The following SH3RF3 variants were observed in gnomAD, a reference collection of about 807,000 sequenced individuals.
The protein encoded by SH3RF3 is SH3 domain containing ring finger 3, also known as E3 ubiquitin-protein ligase SH3RF3.
A neutral mutation model predicts 66.3 loss-of-function variants in SH3RF3; 29 were observed. The observed-to-expected ratio is 0.44, with a 90% CI of 0.33 to 0.60. The LOEUF (loss-of-function observed/expected upper bound fraction) is 0.60, where lower values mean the gene tolerates loss of function less well. Among genes scored for constraint, SH3RF3 ranks in the 20% least tolerant of loss-of-function variants. The pLI, the probability that SH3RF3 is intolerant of heterozygous loss-of-function variation, is 0.04. For missense variants in SH3RF3, 1,194 were observed against 1,190.9 expected (o/e 1.00, Z -0.04); for synonymous variants, 583 against 532.0 (o/e 1.10, Z -1.32).
intron 8 of SH3RF3, among the ~76,000 whole-genome samples, chr2:109,450,362 A>G (rs1177190557): frequency 1.3e-4 from 6 of 45,432 alleles, no homozygotes; most frequent in Non-Finnish European, 3.7e-4. Context: ...AAAAAAAGAA[A>G]AAGAAAGAAA....
intron 1 of SH3RF3, among the ~76,000 whole-genome samples, chr2:109,221,085 G>A (rs548615600): frequency 1.3e-5 from 2 of 152,352 alleles, no homozygotes; most frequent in East Asian, 1.9e-4. Flanking sequence ...AAGAAATGAA[G>A]TTATGACACG....
At chr2:109,397,260 G>C (rs1676172368) in intron 3 of SH3RF3, among the ~76,000 whole-genome samples, 1 of 152,032 alleles carries the variant, frequency 6.6e-6, no homozygotes, top group South Asian at 2.1e-4. Context: ...CCTCCAGGGA[G>C]ATCTGCCCAG....
chr2:109,243,652 G>T (rs535879462), intron 1 of SH3RF3, among the ~76,000 whole-genome samples: 7 of 152,288 alleles, frequency 4.6e-5, no homozygotes, highest in African/African-American at 1.7e-4. Context: ...GAAGATATGA[G>T]TGGTGAGAAG....
intron 8 of SH3RF3, among the ~76,000 whole-genome samples, chr2:109,486,312 G>C (rs995505678): frequency 7.2e-5 from 11 of 152,122 alleles, no homozygotes; most frequent in Admixed American, 1.3e-4. Context: ...TTTACATTTT[G>C]TGGAACTCCC....
intron 1 of SH3RF3, among the ~76,000 whole-genome samples, chr2:109,148,919 T>C (rs1412382532): frequency 1.3e-5 from 2 of 152,136 alleles, no homozygotes; most frequent in Non-Finnish European, 2.9e-5. Flanking sequence ...CCAAAAAAAA[T>C]CAAGTTCTAG....
intron 1 of SH3RF3, among the ~76,000 whole-genome samples, chr2:109,176,813 T>C (rs1677927384): frequency 6.6e-6 from 1 of 152,126 alleles, no homozygotes; most frequent in African/African-American, 2.4e-5. Flanking sequence ...AGCCGTGAAC[T>C]TTATCTTATG....
At position 109,314,180 on chromosome 2, in the gene SH3RF3, G is replaced by A. The variant is rs925233378; in HGVS notation, c.574-33494G>A. Among the ~76,000 whole-genome samples the A allele has an allele frequency of 2.6e-4, 39 of 152,190 alleles. 1 individual carries two copies. Among genetic ancestry groups the A allele is most frequent in the Non-Finnish European group, 2.9e-5 (2 of 68,034 alleles). ...TCGTGGTCTGTGTCCCGGGAGACCA[G>A]CGGGTGGGTGTCCAGAGATGGGGGC... On this transcript the variant is annotated intron_variant, in intron 1 of 9. Transcript: ENST00000309415.
chr2:109,455,581 A>G (rs1678030622), intron 8 of SH3RF3, among the ~76,000 whole-genome samples: 1 of 152,242 alleles, frequency 6.6e-6, no homozygotes, highest in African/African-American at 2.4e-5. Flanking sequence ...ATTTTTCATG[A>G]AACCCCAGGA....
intron 1 of SH3RF3, among the ~76,000 whole-genome samples, chr2:109,148,042 T>A (rs964289295): frequency 5.9e-5 from 9 of 152,294 alleles, no homozygotes; most frequent in Middle Eastern, 3.4e-3. Flanking sequence ...GGTGGTTTGT[T>A]GCATGGTGAC....
chr2:109,288,427 G>A (rs1681088653), intron 1 of SH3RF3, among the ~76,000 whole-genome samples: 1 of 152,198 alleles, frequency 6.6e-6, no homozygotes, highest in African/African-American at 2.4e-5. Context: ...GGATATGCCA[G>A]CTTTAAAACC....
At chr2:109,275,338 A>G (rs1293519269) in intron 1 of SH3RF3, among the ~76,000 whole-genome samples, 2 of 152,150 alleles carry the variant, frequency 1.3e-5, no homozygotes, top group South Asian at 2.1e-4. Flanking sequence ...TTCAGTTTAT[A>G]TTTGTGATAA....
Position 109,203,081 on chromosome 2 carries a change from C to G in SH3RF3, c.573+72968C>G, listed in dbSNP as rs115755427. On this transcript the variant is annotated intron_variant, in intron 1 of 9. Coordinates refer to ENST00000309415, the MANE Select transcript of SH3RF3 (RefSeq NM_001099289.3). Reference sequence around the variant, plus strand: ...GCTCCAAAGGCTACAGAAGCTCCGTCGAGCCTGGAACACTGGTGGCCCTGC... The same window carrying G: ...GCTCCAAAGGCTACAGAAGCTCCGTGGAGCCTGGAACACTGGTGGCCCTGC... 2.6e-3 allele frequency among the ~76,000 whole-genome samples: 402 copies of G among 152,274 alleles called. 2 individuals carry two copies. Among genetic ancestry groups the G allele is most frequent in the African/African-American group, 9.3e-3 (387 of 41,556 alleles).
chr2:109,214,135 G>C (rs1679055639), intron 1 of SH3RF3, among the ~76,000 whole-genome samples: 2 of 152,220 alleles, frequency 1.3e-5, no homozygotes, highest in African/African-American at 4.8e-5. Context: ...GTGCCCCCAT[G>C]CTGCGTCTAG....
At chr2:109,236,749 C>T (rs1457475077) in intron 1 of SH3RF3, among the ~76,000 whole-genome samples, 1 of 152,140 alleles carries the variant, frequency 6.6e-6, no homozygotes, top group East Asian at 1.9e-4. Flanking sequence ...TTCCTGTTTG[C>T]AAACTGGTGC....
intron 1 of SH3RF3, among the ~76,000 whole-genome samples, chr2:109,314,652 A>G (rs1348361652): frequency 1.3e-5 from 2 of 152,216 alleles, no homozygotes; most frequent in Non-Finnish European, 2.9e-5. Flanking sequence ...AAACTTGTAA[A>G]TTAATCCTCC....
intron 8 of SH3RF3, among the ~76,000 whole-genome samples, chr2:109,479,441 C>T (rs1678775352): frequency 6.6e-6 from 1 of 152,190 alleles, no homozygotes; most frequent in African/African-American, 2.4e-5. Flanking sequence ...TCAGTAGGAA[C>T]ATTTCTTGTC....
chr2:109,151,772 T>A (rs1558928229), intron 1 of SH3RF3, among the ~76,000 whole-genome samples: 1 of 152,242 alleles, frequency 6.6e-6, no homozygotes, highest in Non-Finnish European at 1.5e-5. Context: ...ATAATAAAGT[T>A]CTGGCACCAG....
chr2:109,204,539 A>G (rs922945681), intron 1 of SH3RF3, among the ~76,000 whole-genome samples: 3 of 152,138 alleles, frequency 2.0e-5, no homozygotes, highest in African/African-American at 4.8e-5. Context: ...TTTGTGTGCA[A>G]TGTACAATGT....
intron 3 of SH3RF3, 24 bp downstream of exon 3, chr2:109,371,705 A>G (rs1163931184): frequency 2.5e-6 from 4 of 1,605,244 alleles, no homozygotes; most frequent in Non-Finnish European, 3.4e-6. Context: ...GCCCTCCCAC[A>G]CTTGGCTCCT....
Sources: allele counts gnomAD v4.1 joint callset (sites outside exome capture counted in the v4.1 genomes callset), GRCh38; gene constraint gnomAD v4.1.1; transcripts MANE v1.5; gene names NCBI Gene and HGNC (gene_info 2026-07-23, HGNC 2026-07-21).